Variants in CEACAM1 observed in about 807,000 individuals in gnomAD.
CEACAM1 encodes the protein cell adhesion molecule CEACAM1.
In CEACAM1, 31 loss-of-function variants were observed where a neutral mutation model predicts 49.1. The ratio of observed to expected loss-of-function variants is 0.63; its 90% CI spans 0.47 to 0.85. The LOEUF is 0.85. Ranked by LOEUF, CEACAM1 falls within the 40% of genes least tolerant of loss-of-function variation. The pLI is 0.00. For synonymous variants in CEACAM1, 244 were observed against 247.8 expected (o/e 0.98, Z 0.14); for missense variants, 570 against 645.3 (o/e 0.88, Z 1.26).
At position 42,512,599 on chromosome 19, in the gene CEACAM1, T is replaced by C. The variant is rs1051454329; in HGVS notation, c.1247-120A>G. ...GTTCCTTCAAGGAATACAGTTTCGT[T>C]GTGGGAAGGTTGCTGGAAGGTGATT... On this transcript the variant is annotated intron_variant, in intron 5 of 8. Coordinates refer to ENST00000161559, the MANE Select transcript of CEACAM1 (RefSeq NM_001712.5). 5.1e-6 allele frequency: 5 copies of C among 986,102 alleles called. No individual in the cohort carries two copies. In the Admixed American group the frequency reaches 7.2e-5, roughly 14 times the overall value. 61.1% of individuals were successfully genotyped at this position (986,102 alleles called of 1,614,324 possible).
In CEACAM1 at chr19:42,509,228, TC is replaced by T; in HGVS notation, c.1462-1del. The stretch of plus-strand genomic sequence containing the variant: ...AGGGTAGAATAAGTAACTTCATTCA[TC>T]TGAAAAGCACAAATAATGATCAGTT... On this transcript the variant is annotated splice_acceptor_variant, in intron 8 of 8. Coordinates refer to ENST00000161559, the MANE Select transcript of CEACAM1 (RefSeq NM_001712.5). LOFTEE classifies it high-confidence loss of function. 1 of 1,606,718 alleles carries T rather than the reference TC, an allele frequency of 6.2e-7. No individual in the cohort carries two copies. Among genetic ancestry groups the T allele is most frequent in the Non-Finnish European group, 8.5e-7 (1 of 1,176,188 alleles).
Position 42,519,143 on chromosome 19 carries a change from T to C in CEACAM1, c.1051A>G (p.Asn351Asp). The C allele has an allele frequency of 6.2e-7, 1 of 1,614,124 alleles. No homozygotes were observed. The highest frequency in any genetic ancestry group is 8.5e-7 in the Non-Finnish European group (1 of 1,180,012). Residue 351 changes from asparagine to aspartate, a missense_variant, in exon 5 of 9, where the codon AAT becomes GAT. Physicochemically the swap from Asn to Asp is conservative, Grantham distance 23 (BLOSUM62 1). Coordinates refer to ENST00000161559, the MANE Select transcript of CEACAM1 (RefSeq NM_001712.5). ...KDSVNLTCST[N>D]DTGISIRWFF... ...CAACGGATGGAGATTCCAGTGTCAT[T>C]TGTGGAGCAGGTCAGGTTCACAGAG...
At chr19:42,528,285 C>G in intron 1 of CEACAM1, 26 bp downstream of exon 1, 1 of 1,607,010 alleles carries the variant, frequency 6.2e-7, no homozygotes, top group Non-Finnish European at 8.5e-7. Context: ...CTCTTTCCGC[C>G]CCTTCCCAGG....
At chr19:42,528,121 T>G (rs1407742534) in intron 1 of CEACAM1, among the ~76,000 whole-genome samples, 190 bp downstream of exon 1, 2 of 152,216 alleles carry the variant, frequency 1.3e-5, no homozygotes, top group African/African-American at 4.8e-5. Flanking sequence ...AATGGGAGAT[T>G]GTTTATTCAC....
intron 4 of CEACAM1, chr19:42,520,658 C>T (rs2041721073): frequency 6.5e-6 from 1 of 153,308 alleles, no homozygotes; most frequent in South Asian, 2.0e-4. Context: ...GCATGAACCA[C>T]AGCGCCCAGC....
chr19:42,524,026 G>C (rs537431919), intron 2 of CEACAM1, among the ~76,000 whole-genome samples: 1 of 152,328 alleles, frequency 6.6e-6, no homozygotes, highest in East Asian at 1.9e-4. Flanking sequence ...AGAGTTCTAT[G>C]TTACAAATTC....
Position 42,516,911 on chromosome 19 carries a change from CA to C in CEACAM1, c.1246+2036del, listed in dbSNP as rs754191368. The C allele has an allele frequency of 6.3e-5, 26 of 414,362 alleles. 1 individual carries two copies. The highest frequency in any genetic ancestry group is 4.4e-4 in the South Asian group (26 of 58,438). 25.7% of individuals were successfully genotyped at this position (414,362 alleles called of 1,614,324 possible). On this transcript the variant is annotated intron_variant, in intron 5 of 8. Transcript: ENST00000161559. ...ACAAAACAAAACAAAAAAACCCAAACAACAACAATAAAACAAACAAACAAAA... is the reference window on the plus strand; with the variant it reads ...ACAAAACAAAACAAAAAAACCCAAACACAACAATAAAACAAACAAACAAAA...
chr19:42,527,497 A>G lies in CEACAM1; in HGVS notation c.65-97T>C. The G allele has an allele frequency of 2.3e-6, 3 of 1,293,790 alleles. 1 individual carries two copies. Among genetic ancestry groups the G allele is most frequent in the Non-Finnish European group, 3.2e-6 (3 of 947,576 alleles). 80.1% of individuals were successfully genotyped at this position (1,293,790 alleles called of 1,614,324 possible). ...CCTGAGCAGGTGTCTTCACCCCTCCACCTTGGAGTGTGTGTGTGTGTGTGT... is the reference window on the plus strand; with the variant it reads ...CCTGAGCAGGTGTCTTCACCCCTCCGCCTTGGAGTGTGTGTGTGTGTGTGT... On this transcript the variant is annotated intron_variant, in intron 1 of 8. Transcript: ENST00000161559.
At chr19:42,519,417 G>T (rs1446857461) in intron 4 of CEACAM1, 182 bp from the exon 5 acceptor site, 1 of 609,014 alleles carries the variant, frequency 1.6e-6, no homozygotes. Context: ...CTTTGTTCAG[G>T]TGATGAATTG....
Position 42,511,679 on chromosome 19 carries a change from G to A in CEACAM1, c.1377-51C>T, listed in dbSNP as rs1370628408. On this transcript the variant is annotated intron_variant, in intron 6 of 8. Transcript: ENST00000161559. ...TGCTATTCCCAAGCACAGGATCTTT[G>A]TTCCGTAAGTTAGGAAGGACACTGT... is the stretch of plus-strand genomic sequence containing the variant. 13 of 1,564,502 alleles carry A rather than the reference G, an allele frequency of 8.3e-6. No individual in the cohort carries two copies. The Admixed American group carries it at 8.3e-5, about 10-fold the overall frequency.
At position 42,521,928 on chromosome 19, in the gene CEACAM1, G is replaced by A. The variant is rs1333782985; in HGVS notation, c.699C>T (p.Val233=). The change falls in exon 3 of 9, where the codon GTC becomes GTT. Residue 233 remains valine, a synonymous_variant. Transcript: ENST00000161559. ...ANRSDPVTLN[V]TYGPDTPTIS... The stretch of plus-strand genomic sequence containing the variant: ...AGAGGAACAGAAGATACTCACAGGT[G>A]ACATTCAAGGTGACTGGGTCACTGC... 6.2e-7 allele frequency: 1 copy of A among 1,614,258 alleles called. No homozygotes were observed.
chr19:42,525,317 T>C (rs2041863777), intron 2 of CEACAM1, among the ~76,000 whole-genome samples: 1 of 150,952 alleles, frequency 6.6e-6, no homozygotes, highest in African/African-American at 2.4e-5. Context: ...CTCTGCCTCC[T>C]GGGTTCAAGC....
chr19:42,512,290 C>T, intron 6 of CEACAM1, 60 bp downstream of exon 6: 1 of 1,598,654 alleles, frequency 6.3e-7, no homozygotes, highest in Non-Finnish European at 8.6e-7. Context: ...AATTCTTTCC[C>T]TCTCCCAAGC....
At chr19:42,522,835 G>C (rs1188662922) in intron 2 of CEACAM1, among the ~76,000 whole-genome samples, 1 of 152,132 alleles carries the variant, frequency 6.6e-6, no homozygotes, top group Non-Finnish European at 1.5e-5. Flanking sequence ...ATTCCGTCCG[G>C]GCATTTTTCA....
rs1219031943 is a variant in CEACAM1 at position 42,508,104 on chromosome 19, G to A, written c.*1005C>T. 1.3e-5 allele frequency: 2 copies of A among 152,186 alleles called. No individual in the cohort carries two copies. Among genetic ancestry groups the A allele is most frequent in the Non-Finnish European group, 2.9e-5 (2 of 68,026 alleles). The allele number at this position is 152,186 out of a possible 1,614,324, so 9.4% of individuals were successfully genotyped here. The stretch of plus-strand genomic sequence containing the variant: ...GTGGTTTCTTTCACCTAAGGCAATC[G>A]GATTGGCTGACATAGCTAAGCTAAG... On this transcript the variant is annotated 3_prime_UTR_variant, in exon 9 of 9. Transcript: ENST00000161559.
chr19:42,510,797 A>G, intron 8 of CEACAM1, 92 bp downstream of exon 8: 1 of 1,216,926 alleles, frequency 8.2e-7, no homozygotes, highest in Admixed American at 1.7e-5. Flanking sequence ...ATTAACCCAA[A>G]CTTGATGTTA....
At position 42,519,478 on chromosome 19, in the gene CEACAM1, C is replaced by G. The variant is rs1600228691; in HGVS notation, c.959-243G>C. The G allele has an allele frequency of 2.9e-5, 15 of 513,156 alleles. No homozygotes were observed. In the East Asian group the frequency reaches 5.1e-4, roughly 18 times the overall value. The allele number at this position is 513,156 out of a possible 1,614,324, so 31.8% of individuals were successfully genotyped here. A position where few individuals can be genotyped will look rare whatever the true frequency, so the allele number is the denominator to read the frequency against. On this transcript the variant is annotated intron_variant, in intron 4 of 8. Coordinates refer to ENST00000161559, the MANE Select transcript of CEACAM1 (RefSeq NM_001712.5). ...TGACCCCAGATCGTCTCAGAGTGAC[C>G]CTCTGGATATCTCTATATCTCCACT...
Position 42,519,145 on chromosome 19 carries a change from G to C in CEACAM1, c.1049C>G (p.Thr350Arg). Residue 350 changes from threonine (T) to arginine (R), a missense_variant, in exon 5 of 9, where the codon ACA (threonine) becomes AGA (arginine). By Grantham distance (71) the Thr-to-Arg change is moderately conservative. Coordinates refer to ENST00000161559, the MANE Select transcript of CEACAM1 (RefSeq NM_001712.5). ...DKDSVNLTCS[T>R]NDTGISIRWF... ...ACGGATGGAGATTCCAGTGTCATTT[G>C]TGGAGCAGGTCAGGTTCACAGAGTC... The C allele has an allele frequency of 6.2e-7, 1 of 1,614,204 alleles. No individual in the cohort carries two copies. Among genetic ancestry groups the C allele is most frequent in the African/African-American group, 1.3e-5 (1 of 75,062 alleles).
intron 4 of CEACAM1, chr19:42,519,437 G>A: frequency 1.7e-6 from 1 of 581,404 alleles, no homozygotes; most frequent in South Asian, 2.0e-5. Context: ...GTAAGGAGAG[G>A]GCTGCACCTC....
Sources: allele counts gnomAD v4.1 joint callset (sites outside exome capture counted in the v4.1 genomes callset), GRCh38; gene constraint gnomAD v4.1.1; transcripts MANE v1.5; gene names NCBI Gene and HGNC (gene_info 2026-07-23, HGNC 2026-07-21).